SMG1: variants seen among roughly 807,000 people sequenced by gnomAD.
SMG1 encodes serine/threonine-protein kinase SMG1.
A neutral mutation model predicts 419.9 loss-of-function variants in SMG1; 22 were observed. The ratio of observed to expected loss-of-function variants is 0.05; its 90% CI spans 0.04 to 0.07. SMG1 has a LOEUF of 0.07. SMG1 is among the 10% of genes least tolerant of loss of function. The pLI, the probability that SMG1 is intolerant of heterozygous loss-of-function variation, is 1.00. For missense variants in SMG1, 3,185 were observed against 4,342.0 expected (o/e 0.73, Z 7.49); for synonymous variants, 1,538 against 1,553.5 (o/e 0.99, Z 0.23).
chr16:18,880,897 T>G (rs2036360365), intron 10 of SMG1, among the ~76,000 whole-genome samples: 1 of 145,566 alleles, frequency 6.9e-6, no homozygotes, highest in Admixed American at 7.0e-5. Flanking sequence ...GGAGCTATAG[T>G]GGGAAGATCA....
chr16:18,852,592 C>T, intron 31 of SMG1, 130 bp from the exon 32 acceptor site: 1 of 716,448 alleles, frequency 1.4e-6, no homozygotes, highest in Non-Finnish European at 2.1e-6. Flanking sequence ...CAAAATATTA[C>T]TGTACATAAC....
chr16:18,888,640 G>C (rs2036743446), intron 6 of SMG1, among the ~76,000 whole-genome samples: 1 of 150,762 alleles, frequency 6.6e-6, no homozygotes, highest in South Asian at 2.1e-4. Flanking sequence ...GCTAATTTTT[G>C]TATTGTTAGT....
Position 18,805,801 on chromosome 16 carries a change from T to C in SMG1, c.*3768A>G, listed in dbSNP as rs1490898038. Reference sequence around the variant, plus strand: ...CTGGCATTTTACAAGCTCAACAAGATAAAAAATTGAACACTGGTTTTCATA... The same window carrying C: ...CTGGCATTTTACAAGCTCAACAAGACAAAAAATTGAACACTGGTTTTCATA... On this transcript the variant is annotated 3_prime_UTR_variant, in exon 63 of 63. Transcript: ENST00000446231. 1 of 152,168 alleles carries C rather than the reference T, an allele frequency of 6.6e-6. No individual in the cohort carries two copies. The highest frequency in any genetic ancestry group is 1.5e-5 in the Non-Finnish European group (1 of 68,010). The allele number at this position is 152,168 out of a possible 1,614,324, so 9.4% of individuals were successfully genotyped here.
At chr16:18,819,460 T>C (rs756797729) in intron 56 of SMG1, 42 bp downstream of exon 56, 1 of 1,591,816 alleles carries the variant, frequency 6.3e-7, no homozygotes, top group Middle Eastern at 1.7e-4. Context: ...CATCTAATCC[T>C]GTAAAAGTGA....
In SMG1 at chr16:18,838,078, C is replaced by G. The variant is rs1325738435; in HGVS notation, c.7349G>C (p.Ser2450Thr). The G allele has an allele frequency of 6.2e-7, 1 of 1,613,998 alleles. No individual in the cohort carries two copies. The highest frequency in any genetic ancestry group is 8.5e-7 in the Non-Finnish European group (1 of 1,179,892). ...GGGQQAESKQ[S>T]KREMEREITR... ...GATCTCTCGCTCCATCTCTCTCTTG[C>G]TCTGCTTGCTCTCGGCCTGCTGGCC... The change falls in exon 45 of 63, where the codon AGC becomes ACC. Residue 2450 changes from serine (S) to threonine (T), a missense_variant. Coordinates refer to ENST00000446231, the MANE Select transcript of SMG1 (RefSeq NM_015092.5).
chr16:18,887,117 G>C (rs2036642430), intron 6 of SMG1, among the ~76,000 whole-genome samples: 1 of 152,030 alleles, frequency 6.6e-6, no homozygotes, highest in African/African-American at 2.4e-5. Flanking sequence ...ATTAGTAACT[G>C]GTAAATCTAG....
intron 1 of SMG1, 138 bp downstream of exon 1, chr16:18,925,812 G>T (rs34639116): frequency 0.013 from 7,646 of 579,164 alleles, 87 homozygotes; most frequent in Middle Eastern, 0.027. Context: ...AGCCGGGGCG[G>T]AGGAGACCCA....
At chr16:18,859,361 A>G in intron 27 of SMG1, 180 bp from the exon 28 acceptor site, 2 of 691,130 alleles carry the variant, frequency 2.9e-6, no homozygotes, top group Non-Finnish European at 4.8e-6. Flanking sequence ...GGGGATTTTT[A>G]CATTTTATTT....
rs1384292784 is a variant in SMG1, at chr16:18,806,571, C to T, written c.*2998G>A. The T allele has an allele frequency of 1.3e-5, 2 of 152,198 alleles. No individual in the cohort carries two copies. The highest frequency in any genetic ancestry group is 2.4e-5 in the African/African-American group (1 of 41,458). The allele number at this position is 152,198 out of a possible 1,614,324, so 9.4% of individuals were successfully genotyped here. A position where few individuals can be genotyped will look rare whatever the true frequency, so the allele number is the denominator to read the frequency against. On this transcript the variant is annotated 3_prime_UTR_variant, in exon 63 of 63. Coordinates refer to ENST00000446231, the MANE Select transcript of SMG1 (RefSeq NM_015092.5). The stretch of plus-strand genomic sequence containing the variant: ...CAACAGTAAAAGAGAAATAACTACA[C>T]AAGCTAAGCTCTGTAGAGAAATCAA...
rs183056965 is a variant in SMG1, at chr16:18,834,879, T to C, written c.8330+13A>G. 161 of 1,608,950 alleles carry C rather than the reference T, an allele frequency of 1.0e-4. No homozygotes were observed. In the African/African-American group the frequency reaches 1.7e-3, roughly 17 times the overall value. ...ACACAGGAAATGGTCCAATATGAAG[T>C]TGGCTAACTTACCTTGTAAGGGTAC... On this transcript the variant is annotated intron_variant, in intron 49 of 62. Transcript: ENST00000446231.
At position 18,853,681 on chromosome 16, in the gene SMG1, C is replaced by T. The variant is rs184038326; in HGVS notation, c.4670G>A (p.Gly1557Asp). Residue 1557 changes from glycine to aspartate, a missense_variant, in exon 31 of 63, where the codon GGT becomes GAT. Gly to Asp is a moderately conservative substitution (Grantham distance 94). Transcript: ENST00000446231. ...YRAQHQQNFT[G>D]LSTLSKNILT... ...TATGTTTTTAGACAAAGTAGAAAGA[C>T]CTGTGAAGTTCTGTTGGTGCTGAGC... The T allele has an allele frequency of 5.5e-4, 881 of 1,613,532 alleles. 1 individual carries two copies. The highest frequency in any genetic ancestry group is 1.6e-3 in the Middle Eastern group (10 of 6,062).
At chr16:18,840,017 T>A in intron 41 of SMG1, 71 bp from the exon 42 acceptor site, 1 of 1,244,768 alleles carries the variant, frequency 8.0e-7, no homozygotes, top group Non-Finnish European at 1.1e-6. Flanking sequence ...GCCTTTTGTA[T>A]GTAAAGTAGA....
chr16:18,871,098 T>C (rs1224811301), intron 16 of SMG1, among the ~76,000 whole-genome samples: 1 of 152,190 alleles, frequency 6.6e-6, no homozygotes. Flanking sequence ...TGATGGGTCA[T>C]CACACAAAAC....
intron 60 of SMG1, among the ~76,000 whole-genome samples, chr16:18,813,501 A>G (rs1400809277): frequency 6.6e-6 from 1 of 152,068 alleles, no homozygotes; most frequent in Non-Finnish European, 1.5e-5. Flanking sequence ...TCCTTCGCCC[A>G]CTTTTTGATG....
At chr16:18,896,422 A>C (rs1025147258) in intron 2 of SMG1, among the ~76,000 whole-genome samples, 1 of 152,212 alleles carries the variant, frequency 6.6e-6, no homozygotes, top group Non-Finnish European at 1.5e-5. Context: ...TCATTGGAAA[A>C]TAAGCAAAGA....
intron 56 of SMG1, among the ~76,000 whole-genome samples, chr16:18,819,002 A>C (rs1399908645): frequency 6.6e-6 from 1 of 152,120 alleles, no homozygotes; most frequent in Non-Finnish European, 1.5e-5. Context: ...TATTTTTAGC[A>C]GAGACGGGGT....
chr16:18,871,038 C>G (rs2035790669), intron 16 of SMG1, 150 bp from the exon 17 acceptor site: 1 of 618,382 alleles, frequency 1.6e-6, no homozygotes, highest in Non-Finnish European at 2.8e-6. Context: ...TTCTCACTGA[C>G]TGTCACATTT....
chr16:18,924,116 A>C (rs2038299690), intron 1 of SMG1, among the ~76,000 whole-genome samples: 1 of 152,200 alleles, frequency 6.6e-6, no homozygotes, highest in African/African-American at 2.4e-5. Flanking sequence ...TTCTTACAAA[A>C]AGCACAGCTT....
chr16:18,915,942 A>C (rs1237743878), intron 1 of SMG1, among the ~76,000 whole-genome samples: 2 of 151,698 alleles, frequency 1.3e-5, no homozygotes, highest in East Asian at 3.9e-4. Flanking sequence ...GGTGGCAGGC[A>C]TCTGTAATCC....
Sources: gnomAD v4.1 joint callset for allele counts (sites outside exome capture counted in the v4.1 genomes callset) on GRCh38, gnomAD v4.1.1 for gene constraint, MANE v1.5 for transcripts, NCBI Gene and HGNC (gene_info 2026-07-23, HGNC 2026-07-21) for gene names.